The following COL11A1 variants were observed in gnomAD, a reference collection of about 807,000 sequenced individuals.
COL11A1 encodes the protein collagen type XI alpha 1 chain.
Under a neutral mutation model 265.2 loss-of-function variants are expected in COL11A1, and 74 were observed. The observed-to-expected ratio is 0.28, with a 90% CI of 0.23 to 0.34. The LOEUF is 0.34. COL11A1 is among the 10% of genes least tolerant of loss of function. The pLI is 1.00. For missense variants in COL11A1, 2,165 were observed against 2,263.6 expected, an observed-to-expected ratio of 0.96 and a Z score of 0.88; for synonymous variants, 816 against 727.6, an observed-to-expected ratio of 1.12 and a Z score of -1.96.
chr1:102,935,616 C>A (rs563119698), intron 44 of COL11A1, among the ~76,000 whole-genome samples: 1 of 152,172 alleles, frequency 6.6e-6, no homozygotes, highest in African/African-American at 2.4e-5. Flanking sequence ...ATATTAAGTA[C>A]ACCAGGACCT....
In COL11A1 at chr1:103,026,199, C is replaced by A. The variant is rs752185467; in HGVS notation, c.897+17G>T. 3.3e-6 allele frequency: 5 copies of A among 1,534,210 alleles called. No individual in the cohort carries two copies. The highest frequency in any genetic ancestry group is 1.8e-6 in the Non-Finnish European group (2 of 1,106,972). On this transcript the variant is annotated intron_variant, in intron 6 of 66. Coordinates refer to ENST00000370096, the MANE Select transcript of COL11A1 (RefSeq NM_001854.4). ...AACAGCAGGACACCACATACACAGG[C>A]ACTGCTTTGTTTTTACCTCCGTCTG...
intron 38 of COL11A1, 40 bp from the exon 39 acceptor site, chr1:102,962,800 A>G: frequency 6.4e-7 from 1 of 1,572,802 alleles, no homozygotes; most frequent in Non-Finnish European, 8.7e-7. Flanking sequence ...TTGCTCTTTT[A>G]TTTTTGGCAA....
intron 4 of COL11A1, among the ~76,000 whole-genome samples, chr1:103,045,583 A>G (rs1289289190): frequency 1.3e-5 from 2 of 152,028 alleles, no homozygotes. Context: ...ACTTACTTAA[A>G]CAATAATTTA....
chr1:102,924,708 A>G (rs998798112), intron 46 of COL11A1, among the ~76,000 whole-genome samples: 4 of 152,196 alleles, frequency 2.6e-5, no homozygotes, highest in Admixed American at 1.3e-4. Flanking sequence ...AAATCCTGTC[A>G]TTCCAAAAGT....
chr1:103,028,295 A>G (rs1222917896), intron 5 of COL11A1, among the ~76,000 whole-genome samples: 1 of 151,950 alleles, frequency 6.6e-6, no homozygotes, highest in Admixed American at 6.6e-5. Flanking sequence ...CGGCCTCCCA[A>G]ATTGTTGGGA....
At chr1:103,067,127 A>G (rs987445075) in intron 4 of COL11A1, among the ~76,000 whole-genome samples, 1 of 152,006 alleles carries the variant, frequency 6.6e-6, no homozygotes, top group African/African-American at 2.4e-5. Context: ...ACAAAAAAAT[A>G]AGAAATATAA....
At chr1:102,965,064 A>G (rs1230918437) in intron 38 of COL11A1, among the ~76,000 whole-genome samples, 1 of 152,174 alleles carries the variant, frequency 6.6e-6, no homozygotes, top group Non-Finnish European at 1.5e-5. Context: ...TGTTACAAAT[A>G]TTAAAATTTT....
intron 57 of COL11A1, among the ~76,000 whole-genome samples, chr1:102,897,571 A>G (rs1652596692): frequency 6.6e-6 from 1 of 152,108 alleles, no homozygotes; most frequent in African/African-American, 2.4e-5. Flanking sequence ...AACTCCACCT[A>G]TGAATAGTAT....
At chr1:103,077,062 T>G (rs1672030035) in intron 3 of COL11A1, among the ~76,000 whole-genome samples, 1 of 152,066 alleles carries the variant, frequency 6.6e-6, no homozygotes, top group Admixed American at 6.6e-5. Flanking sequence ...ATTTAATAAA[T>G]TGTTATTGAA....
At chr1:103,086,545 T>C (rs1672879612) in intron 1 of COL11A1, among the ~76,000 whole-genome samples, 1 of 152,096 alleles carries the variant, frequency 6.6e-6, no homozygotes, top group Non-Finnish European at 1.5e-5. Context: ...GCCTCCTGAG[T>C]AGCTGGGACT....
intron 5 of COL11A1, 60 bp from the exon 6 acceptor site, chr1:103,026,392 A>T: frequency 9.6e-7 from 1 of 1,040,376 alleles, no homozygotes; most frequent in South Asian, 1.3e-5. Flanking sequence ...CTATTCACAA[A>T]GTGAGAACCA....
intron 53 of COL11A1, among the ~76,000 whole-genome samples, chr1:102,912,446 T>C (rs1557809904): frequency 6.6e-6 from 1 of 152,342 alleles, no homozygotes; most frequent in South Asian, 2.1e-4. Flanking sequence ...AATCAAATTC[T>C]CTTTATTTAA....
chr1:103,100,024 G>A (rs1674120111), intron 1 of COL11A1: 1 of 151,740 alleles, frequency 6.6e-6, no homozygotes, highest in South Asian at 2.1e-4. Flanking sequence ...TCAATGCTGT[G>A]TATTTTGTCA....
chr1:102,894,238 TA>T (rs1436836873), intron 57 of COL11A1, among the ~76,000 whole-genome samples: 8 of 152,116 alleles, frequency 5.3e-5, no homozygotes, highest in Non-Finnish European at 1.2e-4. Context: ...TTCTTCTCTT[TA>T]AAACACTCAA....
chr1:103,029,068 G>A (rs1667781079), intron 5 of COL11A1, among the ~76,000 whole-genome samples: 1 of 152,020 alleles, frequency 6.6e-6, no homozygotes, highest in African/African-American at 2.4e-5. Context: ...TCTCCATGGT[G>A]ATGGTTGTAA....
chr1:103,045,015 A>G (rs1324446553), intron 4 of COL11A1, among the ~76,000 whole-genome samples: 2 of 152,066 alleles, frequency 1.3e-5, no homozygotes, highest in African/African-American at 4.8e-5. Flanking sequence ...AAAATGCTAT[A>G]TCTAAGAGAG....
At chr1:103,091,284 T>A (rs1469169466) in intron 1 of COL11A1, among the ~76,000 whole-genome samples, 2 of 152,056 alleles carry the variant, frequency 1.3e-5, no homozygotes, top group Non-Finnish European at 2.9e-5. Flanking sequence ...AACCATGAAT[T>A]ATATATGAAT....
At chr1:103,069,915 C>A (rs1234822451) in intron 4 of COL11A1, among the ~76,000 whole-genome samples, 1 of 151,502 alleles carries the variant, frequency 6.6e-6, no homozygotes, top group Non-Finnish European at 1.5e-5. Flanking sequence ...CAGAGGTTGG[C>A]AAGGAGACAT....
intron 4 of COL11A1, among the ~76,000 whole-genome samples, chr1:103,065,354 A>G (rs1671026169): frequency 6.6e-6 from 1 of 151,922 alleles, no homozygotes; most frequent in Non-Finnish European, 1.5e-5. Context: ...CCCCGTCTCT[A>G]CTAAAAATAC....
Sources: allele counts gnomAD v4.1 joint callset (sites outside exome capture counted in the v4.1 genomes callset), GRCh38; gene constraint gnomAD v4.1.1; transcripts MANE v1.5; gene names NCBI Gene and HGNC (gene_info 2026-07-23, HGNC 2026-07-21).